TENM1: variants seen among roughly 807,000 people sequenced by gnomAD.
TENM1 encodes the protein teneurin-1.
Under a neutral mutation model 174.8 loss-of-function variants are expected in TENM1, and 35 were observed. That is an observed-to-expected ratio of 0.20 (90% CI 0.15 to 0.27). TENM1 has a LOEUF of 0.27. Ranked by LOEUF, TENM1 falls within the 10% of genes least tolerant of loss-of-function variation. The probability of loss-of-function intolerance (pLI) is 1.00; values close to 1 mark genes in which losing one functional copy is unlikely to be tolerated. For synonymous variants in TENM1, 781 were observed against 798.7 expected (o/e 0.98, Z 0.37); for missense variants, 1,633 against 2,130.1 (o/e 0.77, Z 4.59).
At chrX:124,696,387 AGCT>A (rs1353923593) in intron 5 of TENM1, among the ~76,000 whole-genome samples, 1 of 111,951 alleles carries the variant, frequency 8.9e-6, no homozygotes, top group Non-Finnish European at 1.9e-5. Context: ...ACTATTTGTT[AGCT>A]TCAGAGGATT....
exon 32 of TENM1, chrX:124,378,675 G>A (rs193249498): frequency 3.6e-5 from 4 of 112,069 alleles, no homozygotes; most frequent in Non-Finnish European, 7.5e-5. Context: ...ATTCTAACCC[G>A]AAGGTTTTGA....
intron 3 of TENM1, among the ~76,000 whole-genome samples, chrX:124,757,862 A>G (rs772748362): frequency 2.7e-5 from 3 of 112,483 alleles, no homozygotes; most frequent in Admixed American, 9.4e-5. Flanking sequence ...CTCAATTTGT[A>G]TAACATCTCC....
At chrX:125,098,946 A>C in the TENM1 span, among the ~76,000 whole-genome samples, 1 of 112,301 alleles carries the variant, frequency 8.9e-6, no homozygotes, top group Non-Finnish European at 1.9e-5. Context: ...GAAGGAGACC[A>C]AAGGACTTCC....
At chrX:124,396,078 G>A (rs2060329823) in intron 27 of TENM1, among the ~76,000 whole-genome samples, 1 of 111,542 alleles carries the variant, frequency 9.0e-6, no homozygotes, top group African/African-American at 3.3e-5. Flanking sequence ...CTGTCAAGAC[G>A]TCTGCCGCTG....
At chrX:124,976,162 T>C in the TENM1 span, among the ~76,000 whole-genome samples, 2 of 111,702 alleles carry the variant, frequency 1.8e-5, no homozygotes, top group Non-Finnish European at 3.8e-5. Context: ...TAACTAATCA[T>C]TATTTTTATC....
intron 25 of TENM1, among the ~76,000 whole-genome samples, chrX:124,411,612 G>T (rs953423811): frequency 9.0e-6 from 1 of 111,289 alleles, no homozygotes; most frequent in East Asian, 2.8e-4. Flanking sequence ...TATCTGCAGG[G>T]TGGTGTCTCT....
At chrX:125,040,400 T>C in the TENM1 span, among the ~76,000 whole-genome samples, 1 of 111,534 alleles carries the variant, frequency 9.0e-6, no homozygotes, top group South Asian at 3.7e-4. Flanking sequence ...GGAAAAGCTG[T>C]AGAAACTTAG....
chrX:124,501,707 G>A (rs1047275113), intron 19 of TENM1, among the ~76,000 whole-genome samples: 2 of 111,516 alleles, frequency 1.8e-5, no homozygotes, highest in South Asian at 3.8e-4. Context: ...TGTCTGACCC[G>A]AGGGGGAAAG....
intron 1 of TENM1, among the ~76,000 whole-genome samples, chrX:124,921,292 A>G (rs1348913613): frequency 9.0e-6 from 1 of 110,970 alleles, no homozygotes; most frequent in Non-Finnish European, 1.9e-5. Flanking sequence ...CAATCTTGTC[A>G]CAAGGCAACT....
At chrX:124,883,869 G>C (rs1183316547) in intron 3 of TENM1, among the ~76,000 whole-genome samples, 4 of 111,278 alleles carry the variant, frequency 3.6e-5, no homozygotes, top group African/African-American at 9.8e-5. Context: ...CACTCTCCTG[G>C]ACAATGAGCT....
the TENM1 span, among the ~76,000 whole-genome samples, chrX:125,193,471 T>C: frequency 8.9e-6 from 1 of 111,945 alleles, no homozygotes; most frequent in African/African-American, 3.3e-5. Flanking sequence ...TCCTCCTGCC[T>C]CAGCCTCCCA....
intron 11 of TENM1, among the ~76,000 whole-genome samples, chrX:124,631,476 G>T (rs899504032): frequency 1.8e-5 from 2 of 111,136 alleles, no homozygotes; most frequent in African/African-American, 6.5e-5. Context: ...CAGTCTAAGG[G>T]AACTTCCAAA....
chrX:124,868,327 C>T (rs781046429), intron 3 of TENM1, among the ~76,000 whole-genome samples: 3 of 111,429 alleles, frequency 2.7e-5, no homozygotes, highest in Non-Finnish European at 5.7e-5. Context: ...CAAATCCACA[C>T]ACCTACAGTA....
At chrX:124,510,491 C>A (rs762309232) in intron 18 of TENM1, among the ~76,000 whole-genome samples, 1 of 111,797 alleles carries the variant, frequency 8.9e-6, no homozygotes, top group South Asian at 3.8e-4. Context: ...AACAGTATCT[C>A]CTTTTACTCT....
intron 3 of TENM1, among the ~76,000 whole-genome samples, chrX:124,753,972 A>T (rs144153532): frequency 9.0e-6 from 1 of 110,835 alleles, no homozygotes; most frequent in African/African-American, 3.3e-5. Flanking sequence ...TGTCTCTGCC[A>T]GGCTTTGGTA....
At chrX:124,875,086 T>C in intron 3 of TENM1, among the ~76,000 whole-genome samples, 1 of 111,815 alleles carries the variant, frequency 8.9e-6, no homozygotes, top group Non-Finnish European at 1.9e-5. Context: ...TATTTTGTTA[T>C]TGAAGGCATG....
chrX:124,971,897 A>G, the TENM1 span, among the ~76,000 whole-genome samples: 1 of 111,843 alleles, frequency 8.9e-6, no homozygotes, highest in South Asian at 3.7e-4. Context: ...CTGTCTATTT[A>G]TGGGGCTTTT....
chrX:125,179,493 G>A, the TENM1 span, among the ~76,000 whole-genome samples: 1 of 111,513 alleles, frequency 9.0e-6, no homozygotes, highest in African/African-American at 3.3e-5. Context: ...TCTCTTGCTA[G>A]GGTTATGAAC....
intron 11 of TENM1, among the ~76,000 whole-genome samples, chrX:124,592,437 T>G (rs1417076903): frequency 1.4e-5 from 1 of 73,189 alleles, no homozygotes; most frequent in Non-Finnish European, 2.6e-5. Context: ...ATTATTGGTT[T>G]TTTTTTTTTT....
Sources: gnomAD v4.1 joint callset for allele counts (sites outside exome capture counted in the v4.1 genomes callset) on GRCh38, gnomAD v4.1.1 for gene constraint, MANE v1.5 for transcripts, NCBI Gene and HGNC (gene_info 2026-07-23, HGNC 2026-07-21) for gene names.